The following ANKFN1 variants were observed in gnomAD, a reference collection of about 807,000 sequenced individuals.
The protein encoded by ANKFN1 is ankyrin repeat and fibronectin type III domain containing 1, also known as ankyrin repeat and fibronectin type-III domain-containing protein 1.
Under a neutral mutation model 108.7 loss-of-function variants are expected in ANKFN1, and 74 were observed. The ratio of observed to expected loss-of-function variants is 0.68; its 90% CI spans 0.56 to 0.83. ANKFN1 has a LOEUF of 0.83. ANKFN1 is among the 40% of genes least tolerant of loss of function. The pLI is 0.00. For synonymous variants in ANKFN1, 547 were observed against 516.2 expected (o/e 1.06, Z -0.81); for missense variants, 1,505 against 1,382.3 (o/e 1.09, Z -1.41).
chr17:56,240,349 A>G (rs1029641325), intron 3 of ANKFN1, among the ~76,000 whole-genome samples: 6 of 152,126 alleles, frequency 3.9e-5, no homozygotes, highest in Admixed American at 3.9e-4. Flanking sequence ...TTTGAGATTT[A>G]TCCAACTGAA....
chr17:56,381,880 G>T (rs967803403), intron 8 of ANKFN1, among the ~76,000 whole-genome samples: 1 of 152,090 alleles, frequency 6.6e-6, no homozygotes, highest in Non-Finnish European at 1.5e-5. Flanking sequence ...TTATCCAGGA[G>T]AACTTCCCCA....
intron 6 of ANKFN1, among the ~76,000 whole-genome samples, chr17:56,362,754 G>A (rs1171714770): frequency 6.6e-6 from 1 of 152,268 alleles, no homozygotes; most frequent in East Asian, 1.9e-4. Context: ...GCAAATGGGA[G>A]TAAAACAAAC....
chr17:56,460,108 A>G (rs1434881936), intron 14 of ANKFN1, among the ~76,000 whole-genome samples: 7 of 151,798 alleles, frequency 4.6e-5, no homozygotes. Flanking sequence ...TAAATTCATG[A>G]CTACAATTCT....
At chr17:56,453,892 C>A (rs1037084919) in intron 11 of ANKFN1, among the ~76,000 whole-genome samples, 1 of 151,830 alleles carries the variant, frequency 6.6e-6, no homozygotes, top group East Asian at 1.9e-4. Context: ...CTATATGAAA[C>A]CTTTTTTTCC....
At chr17:56,379,458 C>CA (rs2047034148) in intron 8 of ANKFN1, among the ~76,000 whole-genome samples, 1 of 151,546 alleles carries the variant, frequency 6.6e-6, no homozygotes, top group South Asian at 2.1e-4. Context: ...ATTCATACCT[C>CA]AAACTCTATA....
chr17:56,447,444 C>T (rs2049335828), intron 10 of ANKFN1, among the ~76,000 whole-genome samples: 1 of 152,122 alleles, frequency 6.6e-6, no homozygotes, highest in Admixed American at 6.5e-5. Context: ...AAATAAAAAG[C>T]ATGTCCATGG....
rs769501258 is a variant in ANKFN1 at position 56,219,077 on chromosome 17, TCACC to T, written c.12+6399_12+6402del. On this transcript the variant is annotated intron_variant, in intron 2 of 20. Transcript: ENST00000682825. Reference sequence around the variant, plus strand: ...TACAAATGCCTCAATAATAAAATAATCACCGTGTTTTTATCAGCATTATACATCC... The same window carrying T: ...TACAAATGCCTCAATAATAAAATAATGTGTTTTTATCAGCATTATACATCC... Among the ~76,000 whole-genome samples the T allele has an allele frequency of 3.2e-3, 482 of 152,238 alleles. 3 individuals carry two copies. Among genetic ancestry groups the T allele is most frequent in the Middle Eastern group, 0.02 (6 of 294 alleles).
chr17:56,326,177 C>T, intron 3 of ANKFN1, 44 bp from the exon 4 acceptor site: 1 of 1,560,018 alleles, frequency 6.4e-7, no homozygotes, highest in Non-Finnish European at 8.6e-7. Flanking sequence ...TGGACTTCGG[C>T]TCTTGCCTGT....
At chr17:56,442,816 C>T in intron 9 of ANKFN1, 27 bp from the exon 10 acceptor site, 1 of 1,599,378 alleles carries the variant, frequency 6.3e-7, no homozygotes, top group East Asian at 2.2e-5. Flanking sequence ...AATAAAATGC[C>T]TGATGCATCA....
intron 1 of ANKFN1, among the ~76,000 whole-genome samples, chr17:56,178,906 T>C (rs1911421897): frequency 6.7e-6 from 1 of 149,738 alleles, no homozygotes; most frequent in African/African-American, 2.6e-5. Flanking sequence ...GAAATTCTAT[T>C]ATTAATATTA....
intron 1 of ANKFN1, among the ~76,000 whole-genome samples, chr17:56,202,803 T>C (rs1455302432): frequency 6.6e-6 from 1 of 152,068 alleles, no homozygotes; most frequent in Non-Finnish European, 1.5e-5. Context: ...TTCAAAAAGG[T>C]TTTGAAAAAA....
At chr17:56,111,011 T>C (rs1905930028) in intron 4 of ANKFN1, 1 of 152,380 alleles carries the variant, frequency 6.6e-6, no homozygotes, top group African/African-American at 2.4e-5. Context: ...GCCTGAAGGC[T>C]GGGAGCACTG....
chr17:56,488,225 C>T (rs2050915984), intron 18 of ANKFN1, among the ~76,000 whole-genome samples: 1 of 152,094 alleles, frequency 6.6e-6, no homozygotes, highest in Non-Finnish European at 1.5e-5. Flanking sequence ...CTCATGGGTC[C>T]ACCTGGTCAT....
At chr17:56,356,319 T>C (rs1392737322) in intron 6 of ANKFN1, among the ~76,000 whole-genome samples, 1 of 152,184 alleles carries the variant, frequency 6.6e-6, no homozygotes, top group African/African-American at 2.4e-5. Flanking sequence ...TGAGCCACTG[T>C]TTTTATGTTT....
At chr17:56,386,215 G>A (rs1005657908) in intron 8 of ANKFN1, among the ~76,000 whole-genome samples, 7 of 151,558 alleles carry the variant, frequency 4.6e-5, no homozygotes, top group East Asian at 1.9e-4. Flanking sequence ...GTAAACTATC[G>A]CAAGGACAAA....
chr17:56,250,636 G>C (rs1034877398), intron 3 of ANKFN1, among the ~76,000 whole-genome samples: 12 of 152,194 alleles, frequency 7.9e-5, no homozygotes, highest in Non-Finnish European at 1.8e-4. Context: ...GATGGGAAAA[G>C]GGTACCCTCA....
chr17:56,317,964 G>T (rs2045255810), intron 3 of ANKFN1, among the ~76,000 whole-genome samples: 2 of 152,042 alleles, frequency 1.3e-5, no homozygotes, highest in African/African-American at 4.8e-5. Flanking sequence ...GCTTAGCTTT[G>T]TCCTAATATG....
chr17:56,181,817 C>T (rs1251709804), intron 1 of ANKFN1, among the ~76,000 whole-genome samples: 1 of 152,114 alleles, frequency 6.6e-6, no homozygotes, highest in Non-Finnish European at 1.5e-5. Flanking sequence ...GCATTTTTTA[C>T]AAATTGAAGG....
intron 4 of ANKFN1, among the ~76,000 whole-genome samples, chr17:56,119,627 A>G (rs1472154015): frequency 6.6e-6 from 1 of 152,298 alleles, no homozygotes; most frequent in East Asian, 1.9e-4. Context: ...ACTTATGGCT[A>G]TTGGTAAGAA....
Sources: gnomAD v4.1 joint callset for allele counts (sites outside exome capture counted in the v4.1 genomes callset) on GRCh38, gnomAD v4.1.1 for gene constraint, MANE v1.5 for transcripts, NCBI Gene and HGNC (gene_info 2026-07-23, HGNC 2026-07-21) for gene names.